FAM83H: variants seen among roughly 807,000 people sequenced by gnomAD.
The protein encoded by FAM83H is scaffolding CK1 anchoring protein H.
Under a neutral mutation model 30.2 loss-of-function variants are expected in FAM83H, and 24 were observed. The observed-to-expected ratio is 0.79, with a 90% CI of 0.57 to 1.12. The LOEUF is 1.12. FAM83H is among the 50% of genes most tolerant of loss of function. FAM83H has a pLI of 0.00. For synonymous variants in FAM83H, 1,013 were observed against 821.7 expected (o/e 1.23, Z -3.98); for missense variants, 2,038 against 1,773.9 (o/e 1.15, Z -2.67).
rs1168775152 is a variant in FAM83H at position 143,732,265 on chromosome 8, T to C, written c.-16+1426A>G. 10 of 985,220 alleles carry C rather than the reference T, an allele frequency of 1.0e-5. No homozygotes were observed. In the African/African-American group the frequency reaches 1.0e-4, roughly 10 times the overall value. 61.0% of individuals were successfully genotyped at this position (985,220 alleles called of 1,614,324 possible). A position where few individuals can be genotyped will look rare whatever the true frequency, so the allele number is the denominator to read the frequency against. ...CGGCTTGGGAGAAGCTGTCCCAACATTTCTTTGTTGGGGCACCGTCCTCAT... is the reference window on the plus strand; with the variant it reads ...CGGCTTGGGAGAAGCTGTCCCAACACTTCTTTGTTGGGGCACCGTCCTCAT... On this transcript the variant is annotated intron_variant, in intron 1 of 4. Coordinates refer to ENST00000388913, the MANE Select transcript of FAM83H (RefSeq NM_198488.5).
At position 143,731,491 on chromosome 8, in the gene FAM83H, A is replaced by G. The variant is rs571800019; in HGVS notation, c.-15-894T>C. 19 of 985,424 alleles carry G rather than the reference A, an allele frequency of 1.9e-5. No individual in the cohort carries two copies. In the African/African-American group the frequency reaches 2.6e-4, roughly 14 times the overall value. 61.0% of individuals were successfully genotyped at this position (985,424 alleles called of 1,614,324 possible). ...TCCTCCCCATCCTCAGGGTTTCACA[A>G]TTGGGCTCCCACAGCCCATTCTATG... On this transcript the variant is annotated intron_variant, in intron 1 of 4. Transcript: ENST00000388913.
intron 2 of FAM83H, 50 bp downstream of exon 2, chr8:143,730,086 C>A (rs782614345): frequency 2.8e-6 from 4 of 1,441,484 alleles, no homozygotes; most frequent in Non-Finnish European, 1.8e-6. Context: ...CACCCCCGTG[C>A]CTCTAGCCCA....
chr8:143,726,456 A>T lies in FAM83H; in HGVS notation c.3005T>A (p.Leu1002Gln). The change falls in exon 5 of 5, where the codon CTG becomes CAG. Residue 1002 changes from leucine (L) to glutamine (Q), a missense_variant. By Grantham distance (113) the Leu-to-Gln change is moderately radical. Transcript: ENST00000388913. ...CGTGCTGTCACCCTGGCCCAGTGAC[A>T]GACGCCGCGGGCTCTCGGGTTGGCC... ...ENGQPESPRR[L>Q]SLGQGDSTEA... The T allele has an allele frequency of 1.2e-6, 2 of 1,602,684 alleles. No individual in the cohort carries two copies. Among genetic ancestry groups the T allele is most frequent in the Non-Finnish European group, 1.7e-6 (2 of 1,177,684 alleles).
intron 2 of FAM83H, 136 bp downstream of exon 2, chr8:143,730,000 G>A: frequency 1.3e-6 from 1 of 787,256 alleles, no homozygotes; most frequent in Non-Finnish European, 1.9e-6. Context: ...CAGCCCTGAA[G>A]ATCTTTGCCA....
In FAM83H at chr8:143,728,551, C is replaced by T. The variant is rs1464113197; in HGVS notation, c.910G>A (p.Gly304Arg). Residue 304 changes from glycine to arginine, a missense_variant, in exon 5 of 5, where the codon GGG (glycine) becomes AGG (arginine). Physicochemically the swap from Gly to Arg is moderately radical, Grantham distance 125 (BLOSUM62 -2). Transcript: ENST00000388913. ...GGGACGCCCACGAGAGGCCCGGCCC[C>T]GGCATACGGAGCCAGGGCATAGGCG... ...MDAYALAPYA[G>R]AGPLVGVPGV... is the part of the protein sequence containing the mutation. The T allele has an allele frequency of 1.3e-6, 2 of 1,578,944 alleles. No homozygotes were observed. The highest frequency in any genetic ancestry group is 2.3e-5 in the East Asian group (1 of 42,636).
At position 143,730,758 on chromosome 8, in the gene FAM83H, CAGAG is replaced by C. The variant is rs1359280520; in HGVS notation, c.-15-165_-15-162del. Among the ~76,000 whole-genome samples the C allele has an allele frequency of 3.3e-5, 5 of 152,322 alleles. No homozygotes were observed. In the East Asian group the frequency reaches 9.7e-4, roughly 29 times the overall value. On this transcript the variant is annotated intron_variant, in intron 1 of 4. Coordinates refer to ENST00000388913, the MANE Select transcript of FAM83H (RefSeq NM_198488.5). ...CAGGGCACCAGCCGAACCAGGCTCA[CAGAG>C]AGCAACCCAGACCCTAGGATGCCCC...
chr8:143,732,777 C>T, intron 1 of FAM83H: 1 of 977,458 alleles, frequency 1.0e-6, no homozygotes, highest in Non-Finnish European at 1.2e-6. Context: ...GCCTGCATGC[C>T]CACACATTTG....
At position 143,728,963 on chromosome 8, in the gene FAM83H, G is replaced by A; in HGVS notation, c.737+4C>T. 1.9e-6 allele frequency: 3 copies of A among 1,613,498 alleles called. No individual in the cohort carries two copies. The highest frequency in any genetic ancestry group is 2.5e-6 in the Non-Finnish European group (3 of 1,179,966). On this transcript the variant is annotated splice_donor_region_variant and intron_variant, in intron 4 of 4. Transcript: ENST00000388913. ...AAGGGGGTGAGGGAGCCCCGCGGGCGCACCTGTAGCTCCCACTCATCACCA... is the reference window on the plus strand; with the variant it reads ...AAGGGGGTGAGGGAGCCCCGCGGGCACACCTGTAGCTCCCACTCATCACCA...
intron 1 of FAM83H, chr8:143,732,003 C>T (rs1356375480): frequency 1.4e-5 from 14 of 985,314 alleles, no homozygotes; most frequent in East Asian, 1.1e-4. Flanking sequence ...CACCTGTCCC[C>T]GCCTAGCACA....
chr8:143,726,467 G>T lies in FAM83H; in HGVS notation c.2994C>A (p.Ser998Arg). 1 of 1,603,304 alleles carries T rather than the reference G, an allele frequency of 6.2e-7. No homozygotes were observed. Residue 998 changes from serine to arginine, a missense_variant, in exon 5 of 5, where the codon AGC becomes AGA. Coordinates refer to ENST00000388913, the MANE Select transcript of FAM83H (RefSeq NM_198488.5). The stretch of plus-strand genomic sequence containing the variant: ...CCTGGCCCAGTGACAGACGCCGCGG[G>T]CTCTCGGGTTGGCCGTTCTCCTGCG... Reference protein sequence around the residue: ...PVPQENGQPESPRRLSLGQGD... With the variant: ...PVPQENGQPERPRRLSLGQGD...
chr8:143,726,248 T>C lies in FAM83H; in HGVS notation c.3213A>G (p.Leu1071=), dbSNP rs782386999. The change falls in exon 5 of 5, where the codon CTA becomes CTG. Residue 1071 remains leucine (L), a synonymous_variant. Transcript: ENST00000388913. ...SPGPTHNSPE[L]GRPPAAGVLA... ...GGACGCCAGCAGCCGGTGGACGGCC[T>C]AGCTCGGGGCTGTTGTGGGTCGGGC... The C allele has an allele frequency of 2.5e-6, 4 of 1,612,354 alleles. No individual in the cohort carries two copies. The highest frequency in any genetic ancestry group is 4.5e-5 in the East Asian group (2 of 44,858).
Position 143,726,818 on chromosome 8 carries a change from G to A in FAM83H, c.2643C>T (p.Ser881=). The change falls in exon 5 of 5, where the codon AGC becomes AGT. Residue 881 remains serine (S), a synonymous_variant. Transcript: ENST00000388913. ...PTSAYPERKG[S]PTPGFSTRRG... ...TTCGAGTGGAAAACCCAGGCGTGGG[G>A]CTCCCCTTCCGCTCAGGGTAAGCCG... The A allele has an allele frequency of 6.2e-7, 1 of 1,612,740 alleles. No individual in the cohort carries two copies. Among genetic ancestry groups the A allele is most frequent in the Non-Finnish European group, 8.5e-7 (1 of 1,179,868 alleles).
At position 143,727,913 on chromosome 8, in the gene FAM83H, G is replaced by A. The variant is rs1458576624; in HGVS notation, c.1548C>T (p.Ser516=). The change falls in exon 5 of 5, where the codon TCC becomes TCT. Residue 516 remains serine (S), a synonymous_variant. Coordinates refer to ENST00000388913, the MANE Select transcript of FAM83H (RefSeq NM_198488.5). ...QRLDYVPSSA[S]REVRHGSDPA... ...GGTCCGAGCCGTGGCGCACCTCGCG[G>A]GACGCGCTGGACGGCACGTAGTCCA... 4 of 1,495,072 alleles carry A rather than the reference G, an allele frequency of 2.7e-6. No individual in the cohort carries two copies. Among genetic ancestry groups the A allele is most frequent in the Non-Finnish European group, 3.5e-6 (4 of 1,130,346 alleles). 92.6% of individuals were successfully genotyped at this position (1,495,072 alleles called of 1,614,324 possible). A position where few individuals can be genotyped will look rare whatever the true frequency, so the allele number is the denominator to read the frequency against.
rs371686953 is a variant in FAM83H, at chr8:143,726,319, T to G, written c.3142A>C (p.Ser1048Arg). 6.8e-6 allele frequency: 11 copies of G among 1,612,116 alleles called. No homozygotes were observed. The highest frequency in any genetic ancestry group is 1.3e-5 in the African/African-American group (1 of 74,914). ...GCACGGTGCTTCTGGCCGTGGGCAC[T>G]GATCTGCTCCAGAATGGCCTTCGTG... ...DDTKAILEQISAHGQKHRAVP... is the reference protein window; with the variant it reads ...DDTKAILEQIRAHGQKHRAVP... Residue 1048 changes from serine (S) to arginine (R), a missense_variant, in exon 5 of 5, where the codon AGT (serine) becomes CGT (arginine). Physicochemically the swap from Ser to Arg is moderately radical, Grantham distance 110. Transcript: ENST00000388913.
intron 1 of FAM83H, chr8:143,732,441 C>T: frequency 1.0e-6 from 1 of 985,370 alleles, no homozygotes; most frequent in Non-Finnish European, 1.2e-6. Flanking sequence ...CGGTGTCTGA[C>T]CATACAGGGC....
chr8:143,729,862 C>G (rs533643843), intron 2 of FAM83H, among the ~76,000 whole-genome samples: 2 of 152,280 alleles, frequency 1.3e-5, no homozygotes, highest in African/African-American at 4.8e-5. Flanking sequence ...AGGTAATTAT[C>G]TGAACAATGA....
At position 143,727,307 on chromosome 8, in the gene FAM83H, C is replaced by A; in HGVS notation, c.2154G>T (p.Thr718=). ...LLHKEQTVSE[T]LGPGGEAVRS... ...GCACGGCCTCTCCGCCGGGCCCCAG[C>A]GTCTCGCTGACCGTCTGCTCCTTGT... Residue 718 remains threonine (T), a synonymous_variant, in exon 5 of 5, where the codon ACG becomes ACT. Transcript: ENST00000388913. 3.2e-6 allele frequency: 5 copies of A among 1,543,614 alleles called. No individual in the cohort carries two copies. The highest frequency in any genetic ancestry group is 4.3e-6 in the Non-Finnish European group (5 of 1,151,082).
chr8:143,729,408 T>TC, intron 2 of FAM83H, 85 bp from the exon 3 acceptor site: 1 of 1,482,140 alleles, frequency 6.7e-7, no homozygotes, highest in Non-Finnish European at 9.3e-7. Context: ...CCGGGAGGTG[T>TC]CTGGATCACC....
At chr8:143,732,922 A>AC (rs1473555468) in intron 1 of FAM83H, among the ~76,000 whole-genome samples, 1 of 151,802 alleles carries the variant, frequency 6.6e-6, no homozygotes, top group African/African-American at 2.4e-5. Context: ...GCCTTCAAGG[A>AC]CCCCATCCTC....
Sources: allele counts gnomAD v4.1 joint callset (sites outside exome capture counted in the v4.1 genomes callset), GRCh38; gene constraint gnomAD v4.1.1; transcripts MANE v1.5; gene names NCBI Gene and HGNC (gene_info 2026-07-23, HGNC 2026-07-21).